The following NRXN2 variants were observed in gnomAD, a reference collection of about 807,000 sequenced individuals.
NRXN2 encodes the protein neurexin-2-beta.
A neutral mutation model predicts 128.8 loss-of-function variants in NRXN2; 29 were observed. The observed-to-expected ratio is 0.23, with a 90% confidence interval of 0.17 to 0.31. The LOEUF (loss-of-function observed/expected upper bound fraction) is 0.31, where lower values mean the gene tolerates loss of function less well. NRXN2 is among the 10% of genes least tolerant of loss of function. The pLI is 1.00. For missense variants in NRXN2, 1,881 were observed against 2,452.6 expected (o/e 0.77, Z 4.92); for synonymous variants, 1,098 against 1,075.2 (o/e 1.02, Z -0.41).
intron 1 of NRXN2, among the ~76,000 whole-genome samples, chr11:64,719,622 A>G (rs2057382337): frequency 6.6e-6 from 1 of 152,208 alleles, no homozygotes; most frequent in African/African-American, 2.4e-5. Context: ...GGCTGGGGAC[A>G]GAGGTGCAAT....
intron 11 of NRXN2, 55 bp from the exon 12 acceptor site, chr11:64,653,777 G>GTTTTT: frequency 2.9e-6 from 3 of 1,032,458 alleles, no homozygotes; most frequent in Non-Finnish European, 2.8e-6. Context: ...GGTAAAACAA[G>GTTTTT]TTTTTTTTTT....
chr11:64,645,087 T>A (rs780547457), intron 17 of NRXN2, among the ~76,000 whole-genome samples: 2 of 152,098 alleles, frequency 1.3e-5, no homozygotes, highest in Non-Finnish European at 1.5e-5. Flanking sequence ...CATGCAGTGC[T>A]GGAGGAGAGA....
rs907687569 is a variant in NRXN2, at chr11:64,681,740, C to A, written c.1152+3906G>T. The stretch of plus-strand genomic sequence containing the variant: ...CTCAAACCTCAGATCTAGGATATCA[C>A]CAGAAAGAAAGGAGGGCAACTAAGT... On this transcript the variant is annotated intron_variant, in intron 6 of 22. Coordinates refer to ENST00000265459, the MANE Select transcript of NRXN2 (RefSeq NM_015080.4). Among the ~76,000 whole-genome samples, 11 of 152,150 alleles carry A rather than the reference C, an allele frequency of 7.2e-5. No homozygotes were observed. The East Asian group carries it at 7.7e-4, about 11-fold the overall frequency.
intron 11 of NRXN2, chr11:64,656,076 G>A (rs896688316): frequency 6.6e-6 from 1 of 152,216 alleles, no homozygotes; most frequent in Non-Finnish European, 1.5e-5. Flanking sequence ...TGGCTTCCCA[G>A]CCCTGCCTCA....
chr11:64,643,940 C>T (rs2046243090), intron 17 of NRXN2, among the ~76,000 whole-genome samples: 1 of 151,102 alleles, frequency 6.6e-6, no homozygotes, highest in Non-Finnish European at 1.5e-5. Context: ...GCGGCGGCCA[C>T]CTCTGCACCA....
At chr11:64,692,802 T>C (rs759918742) in intron 4 of NRXN2, 45 bp downstream of exon 4, 4 of 1,611,910 alleles carry the variant, frequency 2.5e-6, no homozygotes, top group Non-Finnish European at 3.4e-6. Flanking sequence ...CAGGCGCAGG[T>C]TGGGGGCAAT....
intron 18 of NRXN2, among the ~76,000 whole-genome samples, chr11:64,634,458 A>C (rs1446062677): frequency 6.6e-6 from 1 of 152,178 alleles, no homozygotes; most frequent in Non-Finnish European, 1.5e-5. Flanking sequence ...GGCCACTTGC[A>C]GACTAGAGTT....
intron 18 of NRXN2, among the ~76,000 whole-genome samples, chr11:64,633,352 G>A (rs758228799): frequency 6.6e-6 from 1 of 152,138 alleles, no homozygotes; most frequent in Non-Finnish European, 1.5e-5. Context: ...TGCTCCCTAC[G>A]TTCTTCACAT....
chr11:64,670,343 GT>G (rs2050465817), intron 7 of NRXN2, among the ~76,000 whole-genome samples: 1 of 152,114 alleles, frequency 6.6e-6, no homozygotes, highest in Non-Finnish European at 1.5e-5. Flanking sequence ...GGAAGTAGGG[GT>G]CTGGGTAGAA....
intron 5 of NRXN2, among the ~76,000 whole-genome samples, chr11:64,686,818 C>T (rs549412279): frequency 6.6e-6 from 1 of 152,248 alleles, no homozygotes; most frequent in South Asian, 2.1e-4. Context: ...CATAGGCACC[C>T]GGCACAGGGC....
rs947149647 is a variant in NRXN2 at position 64,623,877 on chromosome 11, T to C, written c.3848-799A>G. On this transcript the variant is annotated intron_variant, in intron 20 of 22. Coordinates refer to ENST00000265459, the MANE Select transcript of NRXN2 (RefSeq NM_015080.4). This position sits in a 1 kb window ranked among gnomAD's most constrained non-coding sequence, Gnocchi z 4.9. ...CTCCAGCTCCAATCTCACCCCACACTCCAGTATGACACCTCAGAATTCCCA... is the reference window on the plus strand; with the variant it reads ...CTCCAGCTCCAATCTCACCCCACACCCCAGTATGACACCTCAGAATTCCCA... 1 of 152,264 alleles carries C rather than the reference T, an allele frequency of 6.6e-6. No homozygotes were observed. Among genetic ancestry groups the C allele is most frequent in the Non-Finnish European group, 1.5e-5 (1 of 68,114 alleles). 9.4% of individuals were successfully genotyped at this position (152,264 alleles called of 1,614,324 possible).
chr11:64,665,889 C>G (rs1392923503), intron 9 of NRXN2, among the ~76,000 whole-genome samples: 2 of 152,102 alleles, frequency 1.3e-5, no homozygotes, highest in Non-Finnish European at 2.9e-5. Flanking sequence ...AGACAGAAAA[C>G]AAGAAGAGAA....
chr11:64,652,129 C>T lies in NRXN2; in HGVS notation c.2442G>A (p.Ala814=), dbSNP rs769066931. 5 of 1,612,984 alleles carry T rather than the reference C, an allele frequency of 3.1e-6. No individual in the cohort carries two copies. The highest frequency in any genetic ancestry group is 1.1e-5 in the South Asian group (1 of 91,084). ...ACTCATTGTCATTGAGCTTGTGCCC[C>T]GCAAACAGCGTTTCGGGGCCTTTAC... ...APSKGPETLF[A]GHKLNDNEWH... is the part of the protein sequence containing the mutation. The change falls in exon 13 of 23, where the codon GCG becomes GCA. Residue 814 remains alanine (A), a synonymous_variant. Transcript: ENST00000265459.
At chr11:64,663,823 A>C (rs1283395718) in intron 9 of NRXN2, among the ~76,000 whole-genome samples, 1 of 152,272 alleles carries the variant, frequency 6.6e-6, no homozygotes, top group African/African-American at 2.4e-5. Flanking sequence ...GGATAAATGC[A>C]ACGTGTATAT....
In NRXN2 at chr11:64,667,082, G is replaced by A. The variant is rs534958062; in HGVS notation, c.1798+168C>T. On this transcript the variant is annotated intron_variant, in intron 9 of 22. Coordinates refer to ENST00000265459, the MANE Select transcript of NRXN2 (RefSeq NM_015080.4). The surrounding 1 kb of genome is among the most constrained non-coding windows in gnomAD (Gnocchi z 5.6). ...TGCTGTGCTCTTTCTGCCAATGTCC[G>A]ATGACAGAAAGGACAATTGGGAAGA... Among the ~76,000 whole-genome samples, 2 of 152,144 alleles carry A rather than the reference G, an allele frequency of 1.3e-5. No homozygotes were observed. The highest frequency in any genetic ancestry group is 2.1e-4 in the South Asian group (1 of 4,826).
intron 17 of NRXN2, among the ~76,000 whole-genome samples, chr11:64,641,002 A>C (rs1232493148): frequency 3.3e-5 from 5 of 152,094 alleles, no homozygotes; most frequent in Non-Finnish European, 2.9e-5. Flanking sequence ...AGAAACAGGA[A>C]GTGATGAGGG....
intron 19 of NRXN2, among the ~76,000 whole-genome samples, chr11:64,628,572 C>A (rs2043408618): frequency 1.3e-5 from 2 of 152,232 alleles, no homozygotes; most frequent in Non-Finnish European, 2.9e-5. Context: ...TCCACCCTGA[C>A]TGCTGGCCTC....
chr11:64,610,459 C>T (rs1036668523), intron 22 of NRXN2, among the ~76,000 whole-genome samples: 3 of 152,142 alleles, frequency 2.0e-5, no homozygotes, highest in Non-Finnish European at 4.4e-5. Flanking sequence ...AAACCTAAGT[C>T]ATCCTCCCAA....
rs1337021462 is a variant in NRXN2, at chr11:64,713,386, G to A, written c.314C>T (p.Thr105Met). ...GTGCCAGCGGTCGTCGGCCACCGGC[G>A]TGTCCAGCTGCAGCGTGGCCGGCTC... ...CAEPATLQLD[T>M]PVADDRWHMV... The change falls in exon 2 of 23, where the codon ACG becomes ATG. Residue 105 changes from threonine (T) to methionine (M), a missense_variant. By Grantham distance (81) the Thr-to-Met change is moderately conservative. Coordinates refer to ENST00000265459, the MANE Select transcript of NRXN2 (RefSeq NM_015080.4). 1.4e-6 allele frequency: 2 copies of A among 1,466,262 alleles called. No homozygotes were observed. The highest frequency in any genetic ancestry group is 1.5e-5 in the African/African-American group (1 of 68,110). The allele number at this position is 1,466,262 out of a possible 1,614,324, so 90.8% of individuals were successfully genotyped here.
Sources: gnomAD v4.1 joint callset for allele counts (sites outside exome capture counted in the v4.1 genomes callset) on GRCh38, gnomAD v4.1.1 for gene constraint, Gnocchi (gnomAD v3.1) non-coding constraint, MANE v1.5 for transcripts, NCBI Gene and HGNC (gene_info 2026-07-23, HGNC 2026-07-21) for gene names.